The following SNX29 variants were observed in gnomAD, a reference collection of about 807,000 sequenced individuals.
The protein encoded by SNX29 is sorting nexin-29.
In SNX29, 78 loss-of-function variants were observed where a neutral mutation model predicts 102.1. That is an observed-to-expected ratio of 0.76 (90% CI 0.64 to 0.92). The LOEUF (loss-of-function observed/expected upper bound fraction) is 0.92, where lower values mean the gene tolerates loss of function less well. SNX29 is among the 40% of genes least tolerant of loss of function. The pLI is 0.00. For synonymous variants in SNX29, 580 were observed against 414.5 expected, an observed-to-expected ratio of 1.40 and a Z score of -4.85; for missense variants, 1,280 against 1,061.7, an observed-to-expected ratio of 1.21 and a Z score of -2.86.
At chr16:12,231,061 C>T (rs2077755426) in intron 14 of SNX29, among the ~76,000 whole-genome samples, 1 of 152,158 alleles carries the variant, frequency 6.6e-6, no homozygotes, top group Admixed American at 6.5e-5. Flanking sequence ...CCATGTTGGC[C>T]AGGCTGGTCC....
intron 19 of SNX29, among the ~76,000 whole-genome samples, chr16:12,513,340 C>G (rs116496698): frequency 3.4e-4 from 42 of 124,324 alleles, no homozygotes; most frequent in African/African-American, 1.2e-3. Context: ...CCTGCCCTGC[C>G]CTGCCCTGCT....
chr16:12,277,841 C>T (rs1398574510), intron 14 of SNX29, 92 bp from the exon 15 acceptor site: 1 of 1,065,324 alleles, frequency 9.4e-7, no homozygotes, highest in Non-Finnish European at 1.4e-6. Flanking sequence ...AGTCTGAAGT[C>T]ATCTGAGAAA....
At chr16:12,131,713 T>C (rs1464571589) in intron 13 of SNX29, among the ~76,000 whole-genome samples, 2 of 152,246 alleles carry the variant, frequency 1.3e-5, no homozygotes, top group African/African-American at 4.8e-5. Context: ...GTCTTGTGGA[T>C]GTGCAAGGGA....
chr16:12,206,384 C>CAAAAA (rs59859762), intron 14 of SNX29, among the ~76,000 whole-genome samples: 2 of 92,108 alleles, frequency 2.2e-5, no homozygotes, highest in Admixed American at 1.1e-4. Context: ...AAATAGCTTT[C>CAAAAA]AAAAAAAAAA....
intron 20 of SNX29, among the ~76,000 whole-genome samples, chr16:12,540,073 C>T (rs1473215334): frequency 6.6e-6 from 1 of 152,186 alleles, no homozygotes; most frequent in Non-Finnish European, 1.5e-5. Context: ...CTTTTGGTGT[C>T]ATGTCTACCA....
intron 10 of SNX29, among the ~76,000 whole-genome samples, chr16:12,078,508 G>A (rs113783388): frequency 3.3e-5 from 5 of 152,270 alleles, no homozygotes; most frequent in Non-Finnish European, 5.9e-5. Flanking sequence ...GCTTGTTTAC[G>A]GTGTGAGATC....
At chr16:12,299,405 T>C (rs1217799939) in intron 15 of SNX29, among the ~76,000 whole-genome samples, 1 of 152,246 alleles carries the variant, frequency 6.6e-6, no homozygotes, top group African/African-American at 2.4e-5. Context: ...CTTCAGCCCA[T>C]GGACGGTGTT....
chr16:12,142,987 G>A (rs1432607299), intron 13 of SNX29, among the ~76,000 whole-genome samples: 1 of 151,270 alleles, frequency 6.6e-6, no homozygotes, highest in Non-Finnish European at 1.5e-5. Flanking sequence ...GGAAGGATAT[G>A]CAAGCAAAGA....
chr16:12,048,796 T>C lies in SNX29; in HGVS notation c.748+176T>C, dbSNP rs1341105132. 2.6e-5 allele frequency among the ~76,000 whole-genome samples: 4 copies of C among 152,286 alleles called. No individual in the cohort carries two copies. In the East Asian group the frequency reaches 7.7e-4, roughly 29 times the overall value. ...TCACTCTGAAAGGGCTCTGACGGCC[T>C]TACCTAGATGCGAGAATTGCCGGGT... On this transcript the variant is annotated intron_variant, in intron 7 of 20. Transcript: ENST00000566228.
At chr16:12,465,250 A>G (rs1003625246) in intron 18 of SNX29, among the ~76,000 whole-genome samples, 1 of 150,526 alleles carries the variant, frequency 6.6e-6, no homozygotes, top group Admixed American at 6.6e-5. Context: ...GTTTTTGCTT[A>G]TATTGCCTGT....
chr16:12,519,421 A>C (rs746009397), intron 19 of SNX29, among the ~76,000 whole-genome samples: 1 of 152,186 alleles, frequency 6.6e-6, no homozygotes, highest in Non-Finnish European at 1.5e-5. Context: ...GAAAACTCAA[A>C]CGTTTAAACA....
chr16:12,557,017 C>CT lies in SNX29; in HGVS notation c.2319-11489_2319-11488insT, dbSNP rs1030746554. ...TACACACCACATCTGGCTAATTTAC[C>CT]CCCCCCCCGCCCCAAGATGAGGTCT... On this transcript the variant is annotated intron_variant, in intron 20 of 20. Transcript: ENST00000566228. 4.5e-5 allele frequency among the ~76,000 whole-genome samples: 5 copies of CT among 111,054 alleles called. 1 individual carries two copies. Among genetic ancestry groups the CT allele is most frequent in the Non-Finnish European group, 7.2e-5 (4 of 55,512 alleles). 72.9% of individuals were successfully genotyped at this position (111,054 alleles called of 152,430 possible). A position where few individuals can be genotyped will look rare whatever the true frequency, so the allele number is the denominator to read the frequency against.
intron 20 of SNX29, among the ~76,000 whole-genome samples, chr16:12,539,383 C>G (rs949961771): frequency 1.2e-4 from 18 of 152,082 alleles, no homozygotes; most frequent in African/African-American, 3.9e-4. Context: ...AGGCTGGCGT[C>G]TTTCAGCATG....
At chr16:12,554,666 C>G (rs546252626) in intron 20 of SNX29, among the ~76,000 whole-genome samples, 3 of 152,210 alleles carry the variant, frequency 2.0e-5, no homozygotes, top group East Asian at 1.9e-4. Flanking sequence ...CATTTGCTAA[C>G]CACAGGGATG....
At chr16:12,517,492 C>G (rs539548971) in intron 19 of SNX29, among the ~76,000 whole-genome samples, 2 of 152,336 alleles carry the variant, frequency 1.3e-5, no homozygotes, top group African/African-American at 4.8e-5. Context: ...CACCAGGGAT[C>G]TTTGTTCTCT....
chr16:12,541,605 C>T (rs1037426113), intron 20 of SNX29, among the ~76,000 whole-genome samples: 2 of 152,208 alleles, frequency 1.3e-5, no homozygotes, highest in Non-Finnish European at 2.9e-5. Context: ...AGGTCACACT[C>T]TGGGCCACAT....
intron 20 of SNX29, among the ~76,000 whole-genome samples, chr16:12,538,899 G>T (rs967505306): frequency 1.4e-5 from 2 of 144,148 alleles, no homozygotes; most frequent in African/African-American, 5.5e-5. Context: ...ACAGATTAAT[G>T]ACCTGTTCTA....
chr16:12,559,844 G>C (rs2078614967), intron 20 of SNX29, among the ~76,000 whole-genome samples: 3 of 152,126 alleles, frequency 2.0e-5, no homozygotes, highest in Admixed American at 6.5e-5. Flanking sequence ...TCTAATGCCA[G>C]ACTGCTTTGA....
At chr16:12,342,674 C>T (rs1311325146) in intron 15 of SNX29, among the ~76,000 whole-genome samples, 13 of 152,124 alleles carry the variant, frequency 8.5e-5, no homozygotes, top group Admixed American at 8.5e-4. Flanking sequence ...TGTAAGAGCT[C>T]CTATGGCCAC....
Sources: allele counts gnomAD v4.1 joint callset (sites outside exome capture counted in the v4.1 genomes callset), GRCh38; gene constraint gnomAD v4.1.1; transcripts MANE v1.5; gene names NCBI Gene and HGNC (gene_info 2026-07-23, HGNC 2026-07-21).